SLC22A24: variants seen among roughly 807,000 people sequenced by gnomAD.
The protein encoded by SLC22A24 is steroid transmembrane transporter SLC22A24.
SLC22A24 carries 53 observed loss-of-function variants against 49.8 expected under a neutral mutation model. The ratio of observed to expected loss-of-function variants is 1.06; its 90% CI spans 0.85 to 1.34. The LOEUF (loss-of-function observed/expected upper bound fraction) is 1.34. Ranked by LOEUF, SLC22A24 falls within the 40% of genes most tolerant of loss-of-function variation. SLC22A24 has a pLI of 0.00. For missense variants in SLC22A24, 786 were observed against 675.9 expected, an observed-to-expected ratio of 1.16 and a Z score of -1.81; for synonymous variants, 302 against 256.4, an observed-to-expected ratio of 1.18 and a Z score of -1.70.
chr11:63,103,809 T>C (rs2087104776), intron 5 of SLC22A24, among the ~76,000 whole-genome samples: 1 of 152,232 alleles, frequency 6.6e-6, no homozygotes, highest in Non-Finnish European at 1.5e-5. Flanking sequence ...CATTTAAATC[T>C]ATCTTCTGTA....
chr11:63,130,919 G>T (rs2087329898), intron 2 of SLC22A24, among the ~76,000 whole-genome samples: 1 of 151,818 alleles, frequency 6.6e-6, no homozygotes, highest in African/African-American at 2.4e-5. Context: ...AAGTCTTTTT[G>T]TAGGTCTTTA....
rs376013823 is a variant in SLC22A24 at position 63,128,654 on chromosome 11, G to A, written c.506+6011C>T. Among the ~76,000 whole-genome samples, 195 of 152,260 alleles carry A rather than the reference G, an allele frequency of 1.3e-3. 1 individual carries two copies. The highest frequency in any genetic ancestry group is 7.5e-3 in the South Asian group (36 of 4,820). The stretch of plus-strand genomic sequence containing the variant: ...GTCTCTGAAATGCAGAAATAATGGC[G>A]TAAACTGTCTCCTCTCTCTCTCTCT... On this transcript the variant is annotated intron_variant, in intron 2 of 9. Coordinates refer to ENST00000612278, the MANE Select transcript of SLC22A24 (RefSeq NM_001136506.2).
In SLC22A24 at chr11:63,119,305, A is replaced by G; in HGVS notation, c.537T>C (p.Cys179=). 3 of 1,549,878 alleles carry G rather than the reference A, an allele frequency of 1.9e-6. No individual in the cohort carries two copies. The South Asian group carries it at 3.6e-5, about 19-fold the overall frequency. Residue 179 remains cysteine (C), a synonymous_variant, in exon 3 of 10, where the codon TGT becomes TGC. Transcript: ENST00000612278. ...TGTTAGAGATGGCCAGCTGGAGGAA[A>G]CACAATTTGCATATGATCTTCCGTC... is the stretch of plus-strand genomic sequence containing the variant. ...RVGRKIICKL[C]FLQLAISNTC... is the part of the protein sequence containing the mutation.
intron 4 of SLC22A24, among the ~76,000 whole-genome samples, chr11:63,111,121 C>T (rs1007007008): frequency 6.6e-6 from 1 of 151,942 alleles, no homozygotes; most frequent in Non-Finnish European, 1.5e-5. Flanking sequence ...TGGTTTTTGT[C>T]TTTGGTTCTT....
At chr11:63,115,255 T>A (rs113939203) in intron 4 of SLC22A24, among the ~76,000 whole-genome samples, 5,959 of 152,248 alleles carry the variant, frequency 0.039, 171 homozygotes, top group Non-Finnish European at 0.063. Context: ...ATTTACCTAC[T>A]CAAGCCTCAG....
chr11:63,113,850 T>A (rs1305437606), intron 4 of SLC22A24, among the ~76,000 whole-genome samples: 3 of 123,352 alleles, frequency 2.4e-5, no homozygotes, highest in East Asian at 2.2e-4. Context: ...TGAGACTCCA[T>A]CTCAAAAAAA....
At chr11:63,120,757 G>A (rs987044868) in intron 2 of SLC22A24, among the ~76,000 whole-genome samples, 2 of 151,986 alleles carry the variant, frequency 1.3e-5, no homozygotes, top group Non-Finnish European at 2.9e-5. Context: ...TACCCTAGTA[G>A]TATATTTATG....
chr11:63,080,054 G>C (rs1395895102), intron 9 of SLC22A24, 54 bp from the exon 10 acceptor site: 59 of 1,208,738 alleles, frequency 4.9e-5, no homozygotes, highest in South Asian at 1.8e-4. Flanking sequence ...AAATAAATAA[G>C]ATATAGATTA....
intron 2 of SLC22A24, among the ~76,000 whole-genome samples, chr11:63,121,004 G>A (rs144971196): frequency 6.6e-6 from 1 of 152,174 alleles, no homozygotes; most frequent in Non-Finnish European, 1.5e-5. Context: ...CAGATAAGAG[G>A]GAGGGATAAA....
rs933496664 is a variant in SLC22A24 at position 63,104,160 on chromosome 11, C to T, written c.954+15G>A. On this transcript the variant is annotated intron_variant, in intron 5 of 9. Transcript: ENST00000612278. ...TTCATTTAATCACAGCAATCATTTC[C>T]CCTTTCCAGATCACCTCAGTGGTCA... 1 of 1,548,022 alleles carries T rather than the reference C, an allele frequency of 6.5e-7. No homozygotes were observed. Among genetic ancestry groups the T allele is most frequent in the Non-Finnish European group, 8.7e-7 (1 of 1,146,564 alleles).
rs748382630 is a variant in SLC22A24, at chr11:63,101,963, A to G, written c.954+2212T>C. Among the ~76,000 whole-genome samples the G allele has an allele frequency of 9.9e-5, 15 of 152,062 alleles. 1 individual carries two copies. Among genetic ancestry groups the G allele is most frequent in the Admixed American group, 7.2e-4 (11 of 15,236 alleles). The stretch of plus-strand genomic sequence containing the variant: ...AAGAAAGGGTAGTTGTGGAGGGGGA[A>G]TAAGGTTGGTTAGTGGGTACGAAAA... On this transcript the variant is annotated intron_variant, in intron 5 of 9. Transcript: ENST00000612278.
intron 4 of SLC22A24, among the ~76,000 whole-genome samples, chr11:63,107,721 A>T (rs1284581054): frequency 4.0e-5 from 6 of 151,882 alleles, no homozygotes; most frequent in Non-Finnish European, 5.9e-5. Flanking sequence ...CACTCATGAT[A>T]TGGCTCTCTG....
At chr11:63,084,350 A>G (rs1221021736) in intron 6 of SLC22A24, among the ~76,000 whole-genome samples, 1 of 152,168 alleles carries the variant, frequency 6.6e-6, no homozygotes, top group Non-Finnish European at 1.5e-5. Flanking sequence ...ATTTGCTCGC[A>G]GGTTGTATAG....
At chr11:63,122,281 T>A (rs1028143669) in intron 2 of SLC22A24, among the ~76,000 whole-genome samples, 2 of 152,152 alleles carry the variant, frequency 1.3e-5, no homozygotes, top group East Asian at 3.9e-4. Context: ...CGCTCTTTCA[T>A]AGAAATTAAA....
chr11:63,096,160 G>A (rs1022610458), intron 5 of SLC22A24, 54 bp from the exon 6 acceptor site: 17 of 1,174,548 alleles, frequency 1.4e-5, no homozygotes, highest in Non-Finnish European at 1.9e-5. Context: ...AATGTGTCAG[G>A]CATAGTGGTA....
intron 4 of SLC22A24, among the ~76,000 whole-genome samples, chr11:63,109,182 T>A (rs1432359193): frequency 6.7e-6 from 1 of 149,152 alleles, no homozygotes; most frequent in Non-Finnish European, 1.5e-5. Flanking sequence ...GAACTCATCA[T>A]TTTTTATGGC....
intron 4 of SLC22A24, among the ~76,000 whole-genome samples, chr11:63,117,219 C>G (rs1024123063): frequency 6.6e-6 from 1 of 152,162 alleles, no homozygotes; most frequent in Admixed American, 6.5e-5. Flanking sequence ...TTCCCTCTTT[C>G]TCAATGTTTG....
At chr11:63,091,911 A>G (rs1335923422) in intron 6 of SLC22A24, among the ~76,000 whole-genome samples, 1 of 152,146 alleles carries the variant, frequency 6.6e-6, no homozygotes, top group Non-Finnish European at 1.5e-5. Context: ...GGCCAAGGCA[A>G]TCATGCATGA....
Position 63,143,936 on chromosome 11 carries a change from T to C in SLC22A24, c.-157A>G, listed in dbSNP as rs2134689814. ...GGCCCTGCACTGAGTGGTGTGACAC[T>C]ACTGCAGAAGAGCAGTGGAAGGACT... On this transcript the variant is annotated 5_prime_UTR_variant, in exon 1 of 10. Transcript: ENST00000612278. 1 of 509,884 alleles carries C rather than the reference T, an allele frequency of 2.0e-6. No individual in the cohort carries two copies. Among genetic ancestry groups the C allele is most frequent in the Middle Eastern group, 4.0e-4 (1 of 2,522 alleles). 31.6% of individuals were successfully genotyped at this position (509,884 alleles called of 1,614,324 possible).
Sources: gnomAD v4.1 joint callset for allele counts (sites outside exome capture counted in the v4.1 genomes callset) on GRCh38, gnomAD v4.1.1 for gene constraint, MANE v1.5 for transcripts, NCBI Gene and HGNC (gene_info 2026-07-23, HGNC 2026-07-21) for gene names.